Variants in AZIN2 observed in about 807,000 individuals in gnomAD.
AZIN2 encodes the protein ODC antizyme inhibitor-2.
Under a neutral mutation model 47.8 loss-of-function variants are expected in AZIN2, and 28 were observed. The observed-to-expected ratio is 0.59, with a 90% CI of 0.43 to 0.80. AZIN2 has a LOEUF of 0.80. Ranked by LOEUF, AZIN2 falls within the 30% of genes least tolerant of loss-of-function variation. The pLI, the probability that AZIN2 is intolerant of heterozygous loss-of-function variation, is 0.00. For synonymous variants in AZIN2, 221 were observed against 239.4 expected (o/e 0.92, Z 0.71); for missense variants, 535 against 582.5 (o/e 0.92, Z 0.84).
At chr1:33,153,204 A>C in the AZIN2 span, among the ~76,000 whole-genome samples, 1 of 152,124 alleles carries the variant, frequency 6.6e-6, no homozygotes, top group Non-Finnish European at 1.5e-5. Flanking sequence ...TCCCATCTGG[A>C]CATAAAGGGC....
chr1:33,095,554 T>A (rs1643062398), intron 8 of AZIN2, among the ~76,000 whole-genome samples: 1 of 152,236 alleles, frequency 6.6e-6, no homozygotes, highest in Admixed American at 6.5e-5. Context: ...ATTCATCTAG[T>A]TGATAGACTT....
In AZIN2 at chr1:33,120,153, CCT is replaced by C. The variant is rs749530771; in HGVS notation, c.1355_1356del (p.Pro452ArgfsTer60). 1.2e-5 allele frequency: 19 copies of C among 1,612,066 alleles called. No homozygotes were observed. The highest frequency in any genetic ancestry group is 1.6e-5 in the Non-Finnish European group (19 of 1,178,522). On this transcript the variant is annotated frameshift_variant, in exon 12 of 12. Coordinates refer to ENST00000294517, the MANE Select transcript of AZIN2 (RefSeq NM_052998.4). LOFTEE classifies it high-confidence loss of function. ...WEITDTLCVG[P>X]VFTPASIM ...GATCACAGACACCCTGTGCGTGGGC[CCT>C]GTCTTCACCCCAGCGAGCATCATGT... is the stretch of plus-strand genomic sequence containing the variant.
the AZIN2 span, among the ~76,000 whole-genome samples, chr1:33,133,778 G>C: frequency 1.3e-5 from 2 of 152,230 alleles, no homozygotes; most frequent in Non-Finnish European, 1.5e-5. Context: ...CACGGAGGAG[G>C]CATGGTGCAG....
chr1:33,117,587 A>G (rs2280996), intron 10 of AZIN2, among the ~76,000 whole-genome samples: 34,595 of 152,146 alleles, frequency 0.23, 4,293 homozygotes, highest in South Asian at 0.31. Flanking sequence ...CCTTGCAGTA[A>G]CCTTACGAGG....
chr1:33,146,580 C>T, the AZIN2 span: 1 of 161,178 alleles, frequency 6.2e-6, no homozygotes. Context: ...CTTCCACAGG[C>T]CACAGCATCA....
the AZIN2 span, among the ~76,000 whole-genome samples, chr1:33,150,026 G>A: frequency 6.6e-6 from 1 of 152,190 alleles, no homozygotes; most frequent in Non-Finnish European, 1.5e-5. Context: ...GGCTTAGCAG[G>A]TCTGACTAAA....
intron 5 of AZIN2, among the ~76,000 whole-genome samples, chr1:33,086,397 T>C (rs529153338): frequency 2.0e-5 from 3 of 152,240 alleles, no homozygotes; most frequent in East Asian, 3.9e-4. Flanking sequence ...ATTCAGCCAG[T>C]GATGGATGCC....
chr1:33,117,688 G>A (rs184875032), intron 10 of AZIN2, among the ~76,000 whole-genome samples: 9 of 152,306 alleles, frequency 5.9e-5, no homozygotes, highest in Middle Eastern at 3.4e-3. Context: ...GCTAACAACT[G>A]CTGGAACCTG....
chr1:33,093,893 C>A (rs1299676781), intron 7 of AZIN2, among the ~76,000 whole-genome samples: 1 of 151,966 alleles, frequency 6.6e-6, no homozygotes. Flanking sequence ...CATTACCACA[C>A]CTGACTAATT....
At chr1:33,153,679 A>T in the AZIN2 span, among the ~76,000 whole-genome samples, 1 of 152,272 alleles carries the variant, frequency 6.6e-6, no homozygotes, top group Non-Finnish European at 1.5e-5. Flanking sequence ...GAACACTAGC[A>T]TCCCTATTTC....
chr1:33,144,408 G>T, the AZIN2 span, among the ~76,000 whole-genome samples: 1 of 152,222 alleles, frequency 6.6e-6, no homozygotes. Context: ...AAAGTGTTGG[G>T]ATTACAGGCA....
At chr1:33,084,798 G>C (rs1481986002) in intron 5 of AZIN2, among the ~76,000 whole-genome samples, 7 of 151,994 alleles carry the variant, frequency 4.6e-5, no homozygotes, top group Non-Finnish European at 8.8e-5. Flanking sequence ...CAGGATTTCA[G>C]CATGTTGGCC....
chr1:33,145,555 G>T, the AZIN2 span: 1 of 173,250 alleles, frequency 5.8e-6, no homozygotes, highest in Non-Finnish European at 1.2e-5. Flanking sequence ...GGCCCGGGTG[G>T]CGGGGGCAGC....
the AZIN2 span, among the ~76,000 whole-genome samples, chr1:33,148,862 A>C: frequency 6.6e-6 from 1 of 152,238 alleles, no homozygotes; most frequent in Non-Finnish European, 1.5e-5. Context: ...TGAGACCCAG[A>C]GGGGAGACAT....
At chr1:33,159,903 G>A in the AZIN2 span, 122 of 1,609,358 alleles carry the variant, frequency 7.6e-5, 1 homozygote, top group African/African-American at 1.1e-3. The surrounding 1 kb of genome is among the most constrained non-coding windows in gnomAD (Gnocchi z 4.2). Context: ...GCAGCCGCTC[G>A]AAGGCCTCGC....
chr1:33,128,013 T>C (rs1436760448), downstream of AZIN2, among the ~76,000 whole-genome samples: 1 of 152,124 alleles, frequency 6.6e-6, no homozygotes, highest in Non-Finnish European at 1.5e-5. Flanking sequence ...AGTTTCTGAC[T>C]CTGTAAAATA....
chr1:33,163,334 T>G, the AZIN2 span: 1 of 151,672 alleles, frequency 6.6e-6, no homozygotes, highest in South Asian at 2.1e-4. Flanking sequence ...CCACTGTGCC[T>G]GGCCGATTTT....
intron 10 of AZIN2, among the ~76,000 whole-genome samples, chr1:33,103,369 A>G (rs114895087): frequency 6.6e-6 from 1 of 152,034 alleles, no homozygotes; most frequent in African/African-American, 2.4e-5. Context: ...CTGTTTTTGT[A>G]ACACCTAAGT....
At chr1:33,145,911 C>T in the AZIN2 span, 121 of 471,114 alleles carry the variant, frequency 2.6e-4, no homozygotes, top group South Asian at 1.8e-3. Flanking sequence ...CTGGATCTGA[C>T]TTAAGTTCCC....
Sources: allele counts gnomAD v4.1 joint callset (sites outside exome capture counted in the v4.1 genomes callset), GRCh38; gene constraint gnomAD v4.1.1; non-coding constraint Gnocchi (gnomAD v3.1); transcripts MANE v1.5; gene names NCBI Gene and HGNC (gene_info 2026-07-23, HGNC 2026-07-21).